The following NIM1K variants were observed in gnomAD, a reference collection of about 807,000 sequenced individuals.
The protein encoded by NIM1K is serine/threonine-protein kinase NIM1.
In NIM1K, 35 loss-of-function variants were observed where a neutral mutation model predicts 37.1. That is an observed-to-expected ratio of 0.94 (90% CI 0.72 to 1.25). The LOEUF is 1.25. NIM1K is among the 50% of genes most tolerant of loss of function. NIM1K has a pLI of 0.00. For missense variants in NIM1K, 564 were observed against 548.0 expected (o/e 1.03, Z -0.29); for synonymous variants, 234 against 206.6 (o/e 1.13, Z -1.14).
chr5:43,263,446 G>A (rs1388380714), intron 2 of NIM1K, among the ~76,000 whole-genome samples: 13 of 151,718 alleles, frequency 8.6e-5, no homozygotes, highest in Non-Finnish European at 1.5e-4. Flanking sequence ...CTGTGGGATC[G>A]GTGGTGATAT....
chr5:43,239,611 C>T (rs1038568016), intron 1 of NIM1K, among the ~76,000 whole-genome samples: 1 of 152,022 alleles, frequency 6.6e-6, no homozygotes, highest in Non-Finnish European at 1.5e-5. Flanking sequence ...ACTACAACCT[C>T]CGCCTCCCAG....
intron 1 of NIM1K, among the ~76,000 whole-genome samples, chr5:43,217,666 G>C (rs1341288222): frequency 6.9e-6 from 1 of 144,366 alleles, no homozygotes; most frequent in Non-Finnish European, 1.5e-5. Flanking sequence ...TTGGCCATTT[G>C]TATATCTTCT....
chr5:43,224,141 T>C (rs1217119605), intron 1 of NIM1K, among the ~76,000 whole-genome samples: 1 of 151,872 alleles, frequency 6.6e-6, no homozygotes, highest in Non-Finnish European at 1.5e-5. Context: ...GGGCTCAAGC[T>C]ATCCTCCCCC....
chr5:43,221,475 G>A (rs1257942416), intron 1 of NIM1K, among the ~76,000 whole-genome samples: 5 of 150,240 alleles, frequency 3.3e-5, no homozygotes, highest in African/African-American at 1.2e-4. Context: ...AAAAGAAAAG[G>A]AAAAAGATAG....
chr5:43,234,238 ATTCT>A (rs956068050), intron 1 of NIM1K, among the ~76,000 whole-genome samples: 9 of 84,592 alleles, frequency 1.1e-4, no homozygotes, highest in African/African-American at 1.4e-4. Context: ...ATGTCGTGTC[ATTCT>A]TTCATTCATT....
At chr5:43,279,769 C>A (rs921749005) in intron 3 of NIM1K, among the ~76,000 whole-genome samples, 1 of 152,208 alleles carries the variant, frequency 6.6e-6, no homozygotes, top group Admixed American at 6.5e-5. Flanking sequence ...CCAACCCTTA[C>A]CACATAGAAT....
chr5:43,232,929 G>A, intron 1 of NIM1K: 1 of 1,157,754 alleles, frequency 8.6e-7, no homozygotes, highest in Non-Finnish European at 1.3e-6. Flanking sequence ...GGTTGTAGGT[G>A]CCAGTGCAAA....
intron 2 of NIM1K, among the ~76,000 whole-genome samples, chr5:43,247,987 A>G (rs1752808874): frequency 6.6e-6 from 1 of 152,244 alleles, no homozygotes. Flanking sequence ...AGTTGTGTAC[A>G]AATAAATATA....
intron 2 of NIM1K, among the ~76,000 whole-genome samples, chr5:43,249,357 C>T (rs536202293): frequency 6.6e-6 from 1 of 152,088 alleles, no homozygotes; most frequent in Non-Finnish European, 1.5e-5. Flanking sequence ...CCTGAGCCAC[C>T]GTGCCCGGCC....
intron 2 of NIM1K, among the ~76,000 whole-genome samples, chr5:43,253,188 A>G (rs1752891415): frequency 7.5e-6 from 1 of 133,048 alleles, no homozygotes; most frequent in East Asian, 2.2e-4. Context: ...AATGTAATAT[A>G]TAATATAATA....
intron 1 of NIM1K, among the ~76,000 whole-genome samples, chr5:43,223,491 A>C (rs1752409948): frequency 6.6e-6 from 1 of 152,240 alleles, no homozygotes; most frequent in Non-Finnish European, 1.5e-5. Context: ...TCTAAATTTC[A>C]ATAAAATTTT....
At chr5:43,249,269 C>T (rs1752833276) in intron 2 of NIM1K, among the ~76,000 whole-genome samples, 1 of 151,894 alleles carries the variant, frequency 6.6e-6, no homozygotes, top group Non-Finnish European at 1.5e-5. Context: ...CGGGGTTTCA[C>T]CATGTTAGCT....
chr5:43,234,701 C>G (rs1022197546), intron 1 of NIM1K, among the ~76,000 whole-genome samples: 3 of 152,186 alleles, frequency 2.0e-5, no homozygotes, highest in African/African-American at 2.4e-5. Flanking sequence ...GTGGCGCGAT[C>G]TTGGCTCACT....
At chr5:43,216,377 A>G (rs186232448) in intron 1 of NIM1K, among the ~76,000 whole-genome samples, 22 of 152,340 alleles carry the variant, frequency 1.4e-4, no homozygotes, top group African/African-American at 4.8e-4. Flanking sequence ...GATGACCATG[A>G]ACACAAAAAG....
In NIM1K at chr5:43,201,614, A is replaced by AT. The variant is rs34838396; in HGVS notation, c.-695+9212dup. ...CATTCATATTTGTGAAGCCAAATATATTTTTTTTTGCTGTTAGAAAGCCTA... is the reference window on the plus strand; with the variant it reads ...CATTCATATTTGTGAAGCCAAATATATTTTTTTTTTGCTGTTAGAAAGCCTA... On this transcript the variant is annotated intron_variant, in intron 1 of 3. Transcript: ENST00000326035. Among the ~76,000 whole-genome samples, 425 of 151,296 alleles carry AT rather than the reference A, an allele frequency of 2.8e-3. 4 individuals are homozygous for AT. Among genetic ancestry groups the AT allele is most frequent in the African/African-American group, 9.6e-3 (396 of 41,338 alleles).
intron 2 of NIM1K, among the ~76,000 whole-genome samples, chr5:43,268,215 C>T (rs901954290): frequency 2.0e-5 from 3 of 152,188 alleles, no homozygotes; most frequent in Non-Finnish European, 4.4e-5. Flanking sequence ...AACCACCTAA[C>T]AGGTTATTTC....
intron 2 of NIM1K, among the ~76,000 whole-genome samples, chr5:43,266,946 G>A (rs1327091227): frequency 6.6e-6 from 1 of 152,178 alleles, no homozygotes; most frequent in Non-Finnish European, 1.5e-5. Context: ...GTTTGACACA[G>A]GGTGATACTG....
chr5:43,196,356 C>T (rs1003718029), intron 1 of NIM1K, among the ~76,000 whole-genome samples: 5 of 152,202 alleles, frequency 3.3e-5, no homozygotes, highest in Middle Eastern at 3.4e-3. Context: ...TGGCTGGGCG[C>T]GGTGGCTTAC....
chr5:43,230,710 G>T (rs1378175451), intron 1 of NIM1K, among the ~76,000 whole-genome samples: 2 of 152,174 alleles, frequency 1.3e-5, no homozygotes, highest in Non-Finnish European at 2.9e-5. Flanking sequence ...GCAGGTTAAG[G>T]TTGAGAACCA....
Sources: allele counts gnomAD v4.1 joint callset (sites outside exome capture counted in the v4.1 genomes callset), GRCh38; gene constraint gnomAD v4.1.1; transcripts MANE v1.5; gene names NCBI Gene and HGNC (gene_info 2026-07-23, HGNC 2026-07-21).